The following DLG2 variants were observed in gnomAD, a reference collection of about 807,000 sequenced individuals.
DLG2 encodes the protein disks large homolog 2.
DLG2 carries 45 observed loss-of-function variants against 132.5 expected under a neutral mutation model. The observed-to-expected ratio is 0.34, with a 90% CI of 0.27 to 0.44. The LOEUF (loss-of-function observed/expected upper bound fraction) is 0.44, where lower values mean the gene tolerates loss of function less well. DLG2 is among the 20% of genes least tolerant of loss of function. DLG2 has a pLI of 1.00. For missense variants in DLG2, 1,045 were observed against 1,196.9 expected (o/e 0.87, Z 1.87); for synonymous variants, 424 against 419.6 (o/e 1.01, Z -0.13).
At chr11:83,825,487 C>T (rs1214857807) in intron 17 of DLG2, among the ~76,000 whole-genome samples, 1 of 151,944 alleles carries the variant, frequency 6.6e-6, no homozygotes, top group Non-Finnish European at 1.5e-5. Context: ...GGCCTAATTA[C>T]TGCTTTTCTT....
intron 4 of DLG2, among the ~76,000 whole-genome samples, chr11:85,270,425 T>A (rs1394524319): frequency 6.6e-6 from 1 of 152,186 alleles, no homozygotes; most frequent in Non-Finnish European, 1.5e-5. Context: ...GCCCAGTGTC[T>A]GGTACATCTT....
chr11:84,061,161 C>T (rs77492200), intron 10 of DLG2, among the ~76,000 whole-genome samples: 180 of 152,308 alleles, frequency 1.2e-3, no homozygotes, highest in African/African-American at 3.9e-3. Flanking sequence ...CCCTCCATTT[C>T]CTAAGTTTGT....
intron 9 of DLG2, among the ~76,000 whole-genome samples, chr11:84,103,916 T>C (rs1196077542): frequency 1.3e-5 from 2 of 152,094 alleles, no homozygotes; most frequent in Non-Finnish European, 2.9e-5. Context: ...ATTTTTAGAA[T>C]TTTTCTACTT....
rs542894078 is a variant in DLG2 at position 84,161,831 on chromosome 11, T to C, written c.624+1630A>G. On this transcript the variant is annotated intron_variant, in intron 9 of 27. Coordinates refer to ENST00000376104, the MANE Select transcript of DLG2 (RefSeq NM_001142699.3). ...TAGCTTGTCTTGGAGAGAAACTTAA[T>C]GATTCAGGAGAAATGTGTTTTTTTG... Among the ~76,000 whole-genome samples, 14 of 152,302 alleles carry C rather than the reference T, an allele frequency of 9.2e-5. No homozygotes were observed. The South Asian group carries it at 2.9e-3, about 32-fold the overall frequency.
At chr11:84,872,161 C>T (rs1007084021) in intron 6 of DLG2, among the ~76,000 whole-genome samples, 1 of 152,114 alleles carries the variant, frequency 6.6e-6, no homozygotes, top group African/African-American at 2.4e-5. Flanking sequence ...GGAAATAATG[C>T]TACTGACTCA....
At chr11:84,387,676 C>T (rs1039380442) in intron 7 of DLG2, among the ~76,000 whole-genome samples, 1 of 152,134 alleles carries the variant, frequency 6.6e-6, no homozygotes, top group Non-Finnish European at 1.5e-5. Flanking sequence ...TTACATTTAT[C>T]AATCTAACTT....
chr11:85,001,188 C>T (rs908065628), intron 6 of DLG2, among the ~76,000 whole-genome samples: 6 of 151,614 alleles, frequency 4.0e-5, no homozygotes, highest in African/African-American at 1.2e-4. Flanking sequence ...CGATCTCCCA[C>T]GTTCAAGTTA....
chr11:84,498,094 C>A (rs895223168), intron 7 of DLG2, among the ~76,000 whole-genome samples: 3 of 152,148 alleles, frequency 2.0e-5, no homozygotes, highest in African/African-American at 4.8e-5. Context: ...GGATAGTCAC[C>A]GCCTATCTAT....
At chr11:85,482,211 T>C (rs1361925971) in intron 3 of DLG2, among the ~76,000 whole-genome samples, 1 of 152,136 alleles carries the variant, frequency 6.6e-6, no homozygotes, top group African/African-American at 2.4e-5. Flanking sequence ...CCAGAACCCA[T>C]GGACCTTGCC....
chr11:85,269,994 G>T (rs1289682428), intron 4 of DLG2, among the ~76,000 whole-genome samples: 3 of 152,044 alleles, frequency 2.0e-5, no homozygotes, highest in African/African-American at 7.2e-5. Flanking sequence ...TATAATAAGG[G>T]CCAGATAAGT....
At chr11:84,797,452 T>C (rs1055337215) in intron 6 of DLG2, among the ~76,000 whole-genome samples, 5 of 152,216 alleles carry the variant, frequency 3.3e-5, no homozygotes, top group Non-Finnish European at 7.3e-5. Flanking sequence ...AATTTTCAAA[T>C]AGCCTGTCTT....
chr11:84,128,806 A>T (rs1000337385), intron 9 of DLG2, among the ~76,000 whole-genome samples: 6 of 152,134 alleles, frequency 3.9e-5, no homozygotes, highest in African/African-American at 2.4e-5. Flanking sequence ...GGGGGAAAAA[A>T]AACACAAGCA....
chr11:83,480,504 A>G, intron 22 of DLG2: 2 of 1,494,818 alleles, frequency 1.3e-6, no homozygotes, highest in Non-Finnish European at 1.8e-6. Context: ...GCTACCAGAA[A>G]TGTGAGCGAA....
At chr11:83,511,656 T>C (rs908567632) in intron 21 of DLG2, among the ~76,000 whole-genome samples, 4 of 151,554 alleles carry the variant, frequency 2.6e-5, no homozygotes, top group Non-Finnish European at 5.9e-5. Context: ...AGCCCTCCAA[T>C]AGCAAAAAGT....
At chr11:84,863,291 T>C (rs1357021783) in intron 6 of DLG2, among the ~76,000 whole-genome samples, 2 of 152,106 alleles carry the variant, frequency 1.3e-5, no homozygotes, top group Non-Finnish European at 2.9e-5. Context: ...ATCTTTACTA[T>C]GGCTGTCCTT....
intron 6 of DLG2, among the ~76,000 whole-genome samples, chr11:84,805,650 T>C (rs2075911095): frequency 1.3e-5 from 2 of 152,170 alleles, no homozygotes; most frequent in African/African-American, 4.8e-5. Context: ...GCAATATGAA[T>C]TAACTGGCTC....
At chr11:84,710,459 G>A (rs1475061374) in intron 6 of DLG2, among the ~76,000 whole-genome samples, 3 of 151,858 alleles carry the variant, frequency 2.0e-5, no homozygotes, top group Non-Finnish European at 2.9e-5. Context: ...GAGAAAAATC[G>A]AAGTCTCCTA....
intron 3 of DLG2, among the ~76,000 whole-genome samples, chr11:85,379,956 A>G (rs556197059): frequency 6.6e-6 from 1 of 152,344 alleles, no homozygotes; most frequent in South Asian, 2.1e-4. Context: ...TCACTTACAA[A>G]TATTTGAGAA....
intron 6 of DLG2, among the ~76,000 whole-genome samples, chr11:84,632,109 T>C (rs2099633167): frequency 6.6e-6 from 1 of 152,216 alleles, no homozygotes; most frequent in African/African-American, 2.4e-5. Context: ...TTGCCCACCA[T>C]CAGACCTGAA....
Sources: gnomAD v4.1 joint callset for allele counts (sites outside exome capture counted in the v4.1 genomes callset) on GRCh38, gnomAD v4.1.1 for gene constraint, MANE v1.5 for transcripts, NCBI Gene and HGNC (gene_info 2026-07-23, HGNC 2026-07-21) for gene names.